Variants in PTPRD observed in about 807,000 individuals in gnomAD.
The protein encoded by PTPRD is receptor-type tyrosine-protein phosphatase delta.
PTPRD carries 34 observed loss-of-function variants against 214.5 expected under a neutral mutation model. That is an observed-to-expected ratio of 0.16 (90% CI 0.12 to 0.21). The LOEUF (loss-of-function observed/expected upper bound fraction) is 0.21. PTPRD is among the 10% of genes least tolerant of loss of function. PTPRD has a pLI of 1.00. For synonymous variants in PTPRD, 1,128 were observed against 845.7 expected, an observed-to-expected ratio of 1.33 and a Z score of -5.79; for missense variants, 2,545 against 2,398.7, an observed-to-expected ratio of 1.06 and a Z score of -1.27.
At chr9:9,811,011 G>A (rs1368854823) in intron 5 of PTPRD, among the ~76,000 whole-genome samples, 1 of 152,050 alleles carries the variant, frequency 6.6e-6, no homozygotes, top group Non-Finnish European at 1.5e-5. Flanking sequence ...GCCTAGACGG[G>A]AGAATCACTT....
intron 3 of PTPRD, among the ~76,000 whole-genome samples, chr9:10,096,375 C>A (rs2098484602): frequency 6.6e-6 from 1 of 151,590 alleles, no homozygotes; most frequent in Non-Finnish European, 1.5e-5. Flanking sequence ...AAAAATGCTA[C>A]TTCTCCACAT....
chr9:8,818,578 T>G (rs1160077832), intron 11 of PTPRD, among the ~76,000 whole-genome samples: 1 of 152,182 alleles, frequency 6.6e-6, no homozygotes, highest in East Asian at 1.9e-4. Context: ...TCAGAAAGGT[T>G]AAGCAATCTG....
intron 3 of PTPRD, among the ~76,000 whole-genome samples, chr9:10,125,622 T>TTGTGTGTGTGTGTGTGTGTGTG (rs35164422): frequency 7.9e-5 from 11 of 139,318 alleles, no homozygotes; most frequent in African/African-American, 2.7e-4. Context: ...GCTCGGCTAA[T>TTGTGTGTGTGTGTGTGTGTGTG]TGTGTGTGTG....
intron 9 of PTPRD, among the ~76,000 whole-genome samples, chr9:9,322,971 T>C (rs1967321998): frequency 6.6e-6 from 1 of 152,164 alleles, no homozygotes. Flanking sequence ...TTTTTAAAAA[T>C]AATATATAAA....
intron 11 of PTPRD, among the ~76,000 whole-genome samples, chr9:8,961,133 C>A (rs951480839): frequency 6.6e-6 from 1 of 151,996 alleles, no homozygotes; most frequent in Non-Finnish European, 1.5e-5. Context: ...GTGGAAGGAA[C>A]ACCTAAGTTG....
intron 3 of PTPRD, among the ~76,000 whole-genome samples, chr9:10,239,762 G>A (rs546511105): frequency 2.6e-5 from 4 of 151,894 alleles, no homozygotes; most frequent in Non-Finnish European, 4.4e-5. Context: ...AAATGATAAC[G>A]CAATCTGAAG....
intron 35 of PTPRD, among the ~76,000 whole-genome samples, chr9:8,406,187 T>A (rs2092958838): frequency 6.6e-6 from 1 of 152,054 alleles, no homozygotes; most frequent in Non-Finnish European, 1.5e-5. Context: ...CCAGGGAAAT[T>A]TTTCATCTCC....
chr9:8,743,114 A>AGG (rs144763567), intron 11 of PTPRD, among the ~76,000 whole-genome samples: 8,798 of 131,518 alleles, frequency 0.067, 352 homozygotes, highest in Admixed American at 0.11. Context: ...TAAAAAAAAA[A>AGG]GGGGGGGGGG....
At chr9:8,659,305 C>T (rs2096982197) in intron 12 of PTPRD, among the ~76,000 whole-genome samples, 2 of 152,148 alleles carry the variant, frequency 1.3e-5, no homozygotes, top group Admixed American at 6.6e-5. Flanking sequence ...ATGGTGGCTA[C>T]CATGCCAGAG....
chr9:9,324,698 C>A (rs9408756), intron 9 of PTPRD, among the ~76,000 whole-genome samples: 112,539 of 151,882 alleles, frequency 0.74, 41,958 homozygotes, highest in East Asian at 0.93. Flanking sequence ...TAGTTTAATT[C>A]GATCCCATTT....
At chr9:9,517,051 G>A (rs1048880261) in intron 8 of PTPRD, among the ~76,000 whole-genome samples, 6 of 152,068 alleles carry the variant, frequency 3.9e-5, no homozygotes, top group Non-Finnish European at 8.8e-5. Flanking sequence ...CATATCAAAT[G>A]AGGAGACAGA....
intron 30 of PTPRD, among the ~76,000 whole-genome samples, chr9:8,475,689 A>G (rs1297232772): frequency 2.0e-5 from 3 of 152,202 alleles, no homozygotes; most frequent in African/African-American, 7.2e-5. Context: ...TCAGTGCACA[A>G]GCCAGAAACC....
chr9:9,613,135 C>CATATATATATATATATATATAT (rs67735335), intron 7 of PTPRD, among the ~76,000 whole-genome samples: 5 of 47,902 alleles, frequency 1.0e-4, no homozygotes, highest in African/African-American at 3.5e-4. Flanking sequence ...TACATACATA[C>CATATATATATATATATATATAT]ATATATATAT....
At chr9:8,499,167 A>G (rs2097341836) in intron 25 of PTPRD, among the ~76,000 whole-genome samples, 1 of 152,222 alleles carries the variant, frequency 6.6e-6, no homozygotes, top group Non-Finnish European at 1.5e-5. Context: ...AATTTGATGA[A>G]GAAGTACTAA....
chr9:10,345,896 C>T (rs1212752001), intron 2 of PTPRD, among the ~76,000 whole-genome samples: 4 of 152,142 alleles, frequency 2.6e-5, no homozygotes, highest in Non-Finnish European at 4.4e-5. Context: ...AAAAGCATTC[C>T]TATTTCTCCA....
intron 9 of PTPRD, among the ~76,000 whole-genome samples, chr9:9,259,707 A>G (rs1049506251): frequency 1.3e-5 from 2 of 151,978 alleles, no homozygotes; most frequent in African/African-American, 4.8e-5. Context: ...AGTATAAACT[A>G]CAGACAATTA....
chr9:8,833,488 T>C (rs1386904082), intron 11 of PTPRD, among the ~76,000 whole-genome samples: 3 of 152,000 alleles, frequency 2.0e-5, no homozygotes, highest in Non-Finnish European at 4.4e-5. Context: ...AGCCTCTAGA[T>C]TTCAAAGCAA....
chr9:9,074,921 C>G (rs905481617), intron 10 of PTPRD, among the ~76,000 whole-genome samples: 49 of 150,490 alleles, frequency 3.3e-4, no homozygotes, highest in African/African-American at 1.2e-3. Flanking sequence ...AAAAAAAAGT[C>G]CTATATTATC....
At chr9:8,485,366 A>C in intron 28 of PTPRD, 42 bp from the exon 29 acceptor site, 2 of 1,406,774 alleles carry the variant, frequency 1.4e-6, no homozygotes, top group Non-Finnish European at 2.0e-6. Flanking sequence ...CTATTCTTAA[A>C]ACAGATGACC....
Sources: gnomAD v4.1 joint callset for allele counts (sites outside exome capture counted in the v4.1 genomes callset) on GRCh38, gnomAD v4.1.1 for gene constraint, MANE v1.5 for transcripts, NCBI Gene and HGNC (gene_info 2026-07-23, HGNC 2026-07-21) for gene names.